PCDHA8: variants seen among roughly 807,000 people sequenced by gnomAD.
PCDHA8 encodes protocadherin alpha-8.
In PCDHA8, 53 loss-of-function variants were observed where a neutral mutation model predicts 61.8. That is an observed-to-expected ratio of 0.86 (90% CI 0.69 to 1.08). PCDHA8 has a LOEUF of 1.08. Among genes scored for constraint, PCDHA8 ranks in the 50% least tolerant of loss-of-function variants. The pLI, the probability that PCDHA8 is intolerant of heterozygous loss-of-function variation, is 0.00. For missense variants in PCDHA8, 1,293 were observed against 1,245.0 expected (o/e 1.04, Z -0.58); for synonymous variants, 618 against 556.6 (o/e 1.11, Z -1.55).
At chr5:140,965,496 ATTTTTT>A (rs71766133) in intron 1 of PCDHA8, among the ~76,000 whole-genome samples, 2 of 146,442 alleles carry the variant, frequency 1.4e-5, no homozygotes, top group African/African-American at 2.5e-5. Flanking sequence ...ATGACAGCAG[ATTTTTT>A]TTTTTTTTTA....
At chr5:140,914,339 C>T (rs1554196289) in intron 1 of PCDHA8, among the ~76,000 whole-genome samples, 1 of 152,130 alleles carries the variant, frequency 6.6e-6, no homozygotes, top group East Asian at 1.9e-4. Flanking sequence ...CCTTCTTTGT[C>T]TCTTTTTGGA....
chr5:140,875,651 T>A lies in PCDHA8; in HGVS notation c.2394+31936T>A, dbSNP rs782085221. The A allele has an allele frequency of 5.1e-5, 83 of 1,613,604 alleles. 1 individual carries two copies. The South Asian group carries it at 8.5e-4, about 16-fold the overall frequency. On this transcript the variant is annotated intron_variant, in intron 1 of 3. Coordinates refer to ENST00000531613, the MANE Select transcript of PCDHA8 (RefSeq NM_018911.3). Reference sequence around the variant, plus strand: ...CTGGGGCTGGAGCTGGCGGAGCTGGTGCCGCGCCTGTTCCGGGTGGCGTCC... The same window carrying A: ...CTGGGGCTGGAGCTGGCGGAGCTGGAGCCGCGCCTGTTCCGGGTGGCGTCC...
At chr5:140,906,253 A>ACCTC (rs1329710908) in intron 1 of PCDHA8, among the ~76,000 whole-genome samples, 2 of 152,064 alleles carry the variant, frequency 1.3e-5, no homozygotes, top group African/African-American at 4.8e-5. Flanking sequence ...ACCCATACAC[A>ACCTC]CCTCCTGAAA....
intron 1 of PCDHA8, among the ~76,000 whole-genome samples, chr5:140,890,025 T>G (rs1438426095): frequency 2.0e-5 from 3 of 152,178 alleles, no homozygotes; most frequent in African/African-American, 7.2e-5. Context: ...TGTAGAAGGC[T>G]TCAGGTGACT....
intron 1 of PCDHA8, chr5:140,882,955 C>G (rs1554176243): frequency 6.2e-7 from 1 of 1,614,178 alleles, no homozygotes; most frequent in Admixed American, 1.7e-5. Context: ...TTCAGCTGCT[C>G]ATCACGATTC....
intron 1 of PCDHA8, chr5:140,876,054 A>C: frequency 6.2e-7 from 1 of 1,613,940 alleles, no homozygotes; most frequent in Non-Finnish European, 8.5e-7. Context: ...TGCCTGAATT[A>C]GTTCTTCGGA....
Position 141,011,309 on chromosome 5 carries a change from A to G in PCDHA8, c.*1372A>G, listed in dbSNP as rs374038361. On this transcript the variant is annotated 3_prime_UTR_variant, in exon 4 of 4. Coordinates refer to ENST00000531613, the MANE Select transcript of PCDHA8 (RefSeq NM_018911.3). ...CTTTTCTATAACACTCTGAATTGCTAATCTTACTAACACCTATGATGTTAC... is the reference window on the plus strand; with the variant it reads ...CTTTTCTATAACACTCTGAATTGCTGATCTTACTAACACCTATGATGTTAC... 9.8e-5 allele frequency: 15 copies of G among 153,742 alleles called. No homozygotes were observed. The highest frequency in any genetic ancestry group is 1.9e-4 in the Non-Finnish European group (13 of 68,036). 9.5% of individuals were successfully genotyped at this position (153,742 alleles called of 1,614,324 possible). A position where few individuals can be genotyped will look rare whatever the true frequency, so the allele number is the denominator to read the frequency against.
intron 1 of PCDHA8, among the ~76,000 whole-genome samples, chr5:140,934,475 A>G (rs1554209923): frequency 6.6e-6 from 1 of 152,172 alleles, no homozygotes; most frequent in African/African-American, 2.4e-5. Context: ...ATTATTTTGA[A>G]AATTATATTC....
chr5:140,968,859 C>T, intron 1 of PCDHA8: 1 of 1,614,184 alleles, frequency 6.2e-7, no homozygotes, highest in Non-Finnish European at 8.5e-7. Context: ...GTTAAGAGCC[C>T]TCGGACATAC....
rs2150315650 is a variant in PCDHA8 at position 140,841,443 on chromosome 5, A to C, written c.122A>C (p.His41Pro). Residue 41 changes from histidine to proline, a missense_variant, in exon 1 of 4, where the codon CAC (histidine) becomes CCC (proline). By Grantham distance (77) the His-to-Pro change is moderately conservative. Coordinates refer to ENST00000531613, the MANE Select transcript of PCDHA8 (RefSeq NM_018911.3). ...LHYSVPEEAK[H>P]GTFVGRIAQD... The stretch of plus-strand genomic sequence containing the variant: ...TACTCCGTCCCCGAGGAGGCCAAAC[A>C]CGGCACCTTCGTGGGCCGGATCGCG... 1 of 1,612,892 alleles carries C rather than the reference A, an allele frequency of 6.2e-7. No homozygotes were observed. The highest frequency in any genetic ancestry group is 1.7e-5 in the Admixed American group (1 of 60,010).
intron 1 of PCDHA8, among the ~76,000 whole-genome samples, chr5:140,932,017 G>GT (rs1385498128): frequency 2.6e-5 from 4 of 151,792 alleles, no homozygotes; most frequent in African/African-American, 9.7e-5. Context: ...TTAGTTTACG[G>GT]TAAGTTTACA....
chr5:141,008,036 C>G (rs1372261299), intron 3 of PCDHA8, among the ~76,000 whole-genome samples: 1 of 151,938 alleles, frequency 6.6e-6, no homozygotes, highest in Non-Finnish European at 1.5e-5. Context: ...GTTAATCTGC[C>G]TTTTGTAACA....
intron 1 of PCDHA8, among the ~76,000 whole-genome samples, chr5:140,973,993 G>T (rs1554235720): frequency 6.6e-6 from 1 of 152,122 alleles, no homozygotes. Flanking sequence ...ACTTCACCTG[G>T]ATCAATGTTT....
At chr5:140,850,307 C>T (rs2150478733) in intron 1 of PCDHA8, 1 of 1,597,050 alleles carries the variant, frequency 6.3e-7, no homozygotes, top group Non-Finnish European at 8.6e-7. Flanking sequence ...CGGGCTACAA[C>T]GCGTGGCTTT....
At chr5:140,969,470 T>G in intron 1 of PCDHA8, 1 of 1,483,706 alleles carries the variant, frequency 6.7e-7, no homozygotes, top group African/African-American at 1.4e-5. Context: ...TATCCACAAT[T>G]TGATCATAAT....
rs1030293372 is a variant in PCDHA8 at position 140,856,468 on chromosome 5, A to C, written c.2394+12753A>C. ...TCTCCGTAACAGAACAAAAGCTCTC[A>C]ATACCTGAATCCAGACTGCTTGACT... On this transcript the variant is annotated intron_variant, in intron 1 of 3. Transcript: ENST00000531613. 2.2e-5 allele frequency: 35 copies of C among 1,597,788 alleles called. 3 individuals are homozygous for C. The East Asian group carries it at 7.4e-4, about 34-fold the overall frequency.
At chr5:140,905,958 G>T (rs1554192269) in intron 1 of PCDHA8, among the ~76,000 whole-genome samples, 1 of 152,184 alleles carries the variant, frequency 6.6e-6, no homozygotes, top group Non-Finnish European at 1.5e-5. Context: ...GATGTTCAAG[G>T]GGAGGAAGAT....
chr5:140,958,495 C>T (rs559117374), intron 1 of PCDHA8, among the ~76,000 whole-genome samples: 1 of 152,138 alleles, frequency 6.6e-6, no homozygotes, highest in African/African-American at 2.4e-5. Context: ...TCCACATATC[C>T]TAGGAGGCAT....
rs1554189151 is a variant in PCDHA8, at chr5:140,900,427, G to GCA, written c.2394+56713_2394+56714insAC. On this transcript the variant is annotated intron_variant, in intron 1 of 3. Transcript: ENST00000531613. ...CAAGTAGCTGGGATTATAGGCACGT[G>GCA]CCACCACGGCCGGCTAATTTTTTAT... 7.9e-5 allele frequency among the ~76,000 whole-genome samples: 12 copies of GCA among 152,230 alleles called. No homozygotes were observed. The East Asian group carries it at 2.3e-3, about 30-fold the overall frequency.
Sources: allele counts gnomAD v4.1 joint callset (sites outside exome capture counted in the v4.1 genomes callset), GRCh38; gene constraint gnomAD v4.1.1; transcripts MANE v1.5; gene names NCBI Gene and HGNC (gene_info 2026-07-23, HGNC 2026-07-21).